Variants in AAK1 observed in about 807,000 individuals in gnomAD.
The protein encoded by AAK1 is AP2 associated kinase 1.
Under a neutral mutation model 116.0 loss-of-function variants are expected in AAK1, and 37 were observed. The observed-to-expected ratio is 0.32, with a 90% CI of 0.25 to 0.42. The LOEUF (loss-of-function observed/expected upper bound fraction) is 0.42. AAK1 is among the 10% of genes least tolerant of loss of function. AAK1 has a pLI of 1.00. For synonymous variants in AAK1, 458 were observed against 439.9 expected, an observed-to-expected ratio of 1.04 and a Z score of -0.51; for missense variants, 919 against 1,170.6, an observed-to-expected ratio of 0.79 and a Z score of 3.14.
At chr2:69,503,271 T>C (rs914201032) in intron 16 of AAK1, among the ~76,000 whole-genome samples, 1 of 152,168 alleles carries the variant, frequency 6.6e-6, no homozygotes, top group Non-Finnish European at 1.5e-5. Flanking sequence ...ACTACTAACA[T>C]TCCTAAAGAA....
intron 2 of AAK1, among the ~76,000 whole-genome samples, chr2:69,626,841 A>G (rs1295370658): frequency 1.3e-5 from 2 of 151,764 alleles, no homozygotes; most frequent in South Asian, 2.1e-4. Context: ...TATTTTCGTC[A>G]CTTCACATCC....
At position 69,480,773 on chromosome 2, in the gene AAK1, C is replaced by G. The variant is rs927141722; in HGVS notation, c.2569+87G>C. 8.6e-6 allele frequency: 10 copies of G among 1,162,120 alleles called. No homozygotes were observed. In the African/African-American group the frequency reaches 1.1e-4, roughly 13 times the overall value. The allele number at this position is 1,162,120 out of a possible 1,614,324, so 72.0% of individuals were successfully genotyped here. A position where few individuals can be genotyped will look rare whatever the true frequency, so the allele number is the denominator to read the frequency against. On this transcript the variant is annotated intron_variant, in intron 19 of 21. Coordinates refer to ENST00000409085, the MANE Select transcript of AAK1 (RefSeq NM_014911.5). ...GAACTACCTGGGCTTCAAAATAAGC[C>G]CAGGAACGACTGAGCCAGGTGAAAA...
chr2:69,627,428 C>T (rs1421289367), intron 2 of AAK1, among the ~76,000 whole-genome samples: 1 of 152,090 alleles, frequency 6.6e-6, no homozygotes, highest in Non-Finnish European at 1.5e-5. Flanking sequence ...GTTCCTTACA[C>T]TGGGCGGTAA....
At position 69,530,058 on chromosome 2, in the gene AAK1, A is replaced by C; in HGVS notation, c.821T>G (p.Phe274Cys). The C allele has an allele frequency of 1.9e-6, 3 of 1,608,952 alleles. No homozygotes were observed. The highest frequency in any genetic ancestry group is 2.5e-6 in the Non-Finnish European group (3 of 1,177,544). The stretch of plus-strand genomic sequence containing the variant: ...ATATCGAGAATTATCAGGAATTGTG[A>C]AGTTTCCATCACAAATTGCCACCTG... ...ESQVAICDGNFTIPDNSRYSQ... is the reference protein window; with the variant it reads ...ESQVAICDGNCTIPDNSRYSQ... Residue 274 changes from phenylalanine to cysteine, a missense_variant, in exon 8 of 22, where the codon TTC becomes TGC. Phe to Cys is a radical substitution (Grantham distance 205). This residue lies in a region of AAK1 where 317 missense variants were observed against 490.4 expected (regional missense o/e 0.65). Transcript: ENST00000409085.
In AAK1 at chr2:69,532,029, G is replaced by C. The variant is rs751504279; in HGVS notation, c.656+12C>G. ...TTGTGGACAAAACTCCATGAAAGGA[G>C]AAAAAGCTTACTTCTTAATCTCATC... On this transcript the variant is annotated intron_variant, in intron 6 of 21. Coordinates refer to ENST00000409085, the MANE Select transcript of AAK1 (RefSeq NM_014911.5). The C allele has an allele frequency of 6.2e-7, 1 of 1,612,526 alleles. No individual in the cohort carries two copies. The highest frequency in any genetic ancestry group is 8.5e-7 in the Non-Finnish European group (1 of 1,178,818).
At position 69,524,886 on chromosome 2, in the gene AAK1, T is replaced by A. The variant is rs776839537; in HGVS notation, c.1055+147A>T. 2.3e-4 allele frequency: 158 copies of A among 700,000 alleles called. 1 individual carries two copies. Among genetic ancestry groups the A allele is most frequent in the Non-Finnish European group, 3.4e-4 (138 of 410,956 alleles). 43.4% of individuals were successfully genotyped at this position (700,000 alleles called of 1,614,324 possible). On this transcript the variant is annotated intron_variant, in intron 10 of 21. Transcript: ENST00000409085. ...TCCTTTTTGCATTCCCAAAGAACCG[T>A]TTCTGCCTAGGCAAGACAGAGCTTG...
At chr2:69,609,279 C>T (rs1320464894) in intron 2 of AAK1, among the ~76,000 whole-genome samples, 1 of 152,128 alleles carries the variant, frequency 6.6e-6, no homozygotes, top group African/African-American at 2.4e-5. Flanking sequence ...GGGAGAATCA[C>T]CTAAACCCAG....
rs772286311 is a variant in AAK1 at position 69,525,022 on chromosome 2, G to C, written c.1055+11C>G. 1.1e-5 allele frequency: 17 copies of C among 1,612,784 alleles called. No individual in the cohort carries two copies. The highest frequency in any genetic ancestry group is 3.3e-4 in the Middle Eastern group (2 of 6,060). On this transcript the variant is annotated intron_variant, in intron 10 of 21. Transcript: ENST00000409085. Reference sequence around the variant, plus strand: ...CCAAGGAGGACATGTGTTCATGAAGGCATTTCTTACCTGGCCTTTGGCTGG... The same window carrying C: ...CCAAGGAGGACATGTGTTCATGAAGCCATTTCTTACCTGGCCTTTGGCTGG...
intron 12 of AAK1, among the ~76,000 whole-genome samples, chr2:69,518,213 T>C (rs7561263): frequency 0.15 from 23,436 of 152,044 alleles, 2,236 homozygotes; most frequent in East Asian, 0.26. Context: ...GAAAACAATA[T>C]AGACCAACTA....
intron 13 of AAK1, among the ~76,000 whole-genome samples, chr2:69,513,598 C>T (rs1312622879): frequency 6.6e-6 from 1 of 152,224 alleles, no homozygotes; most frequent in East Asian, 1.9e-4. Context: ...GCTGGGATTA[C>T]AGGCGTGAGG....
intron 17 of AAK1, among the ~76,000 whole-genome samples, chr2:69,495,444 G>A (rs746009864): frequency 6.6e-5 from 10 of 152,164 alleles, no homozygotes; most frequent in East Asian, 1.9e-4. Context: ...TTCAGGTAGC[G>A]GCAGAGCCTG....
intron 2 of AAK1, among the ~76,000 whole-genome samples, chr2:69,601,437 C>A (rs1324088777): frequency 6.6e-6 from 1 of 152,188 alleles, no homozygotes; most frequent in Non-Finnish European, 1.5e-5. Flanking sequence ...CAATTGACAG[C>A]ATCTTAGAGG....
At position 69,475,140 on chromosome 2, in the gene AAK1, G is replaced by A; in HGVS notation, c.*729C>T. On this transcript the variant is annotated 3_prime_UTR_variant, in exon 22 of 22. Transcript: ENST00000409085. ...TTGTATCCAAGGATCTCAAATACTT[G>A]CAGTCACGTCTCCAGATCTGAGAAA... 2.0e-6 allele frequency: 2 copies of A among 985,810 alleles called. No individual in the cohort carries two copies. Among genetic ancestry groups the A allele is most frequent in the Non-Finnish European group, 2.4e-6 (2 of 829,934 alleles). 61.1% of individuals were successfully genotyped at this position (985,810 alleles called of 1,614,324 possible). A position where few individuals can be genotyped will look rare whatever the true frequency, so the allele number is the denominator to read the frequency against.
intron 4 of AAK1, among the ~76,000 whole-genome samples, chr2:69,543,501 G>A (rs1205925503): frequency 2.0e-5 from 3 of 152,042 alleles, no homozygotes; most frequent in Admixed American, 1.3e-4. Context: ...TCCACCTCCT[G>A]GGTTCAAGTG....
At chr2:69,528,145 A>G (rs1162329274) in intron 8 of AAK1, among the ~76,000 whole-genome samples, 1 of 152,230 alleles carries the variant, frequency 6.6e-6, no homozygotes, top group East Asian at 1.9e-4. Flanking sequence ...GTCTGAGCAA[A>G]GAAGGACTTG....
chr2:69,621,288 C>T (rs865905325), intron 2 of AAK1, among the ~76,000 whole-genome samples: 15 of 152,198 alleles, frequency 9.9e-5, no homozygotes, highest in African/African-American at 3.6e-4. Flanking sequence ...CCAGCTTCGC[C>T]AACATGGTGA....
At chr2:69,598,105 T>C in intron 2 of AAK1, 4 of 1,084,878 alleles carry the variant, frequency 3.7e-6, no homozygotes, top group Non-Finnish European at 4.9e-6. Context: ...ATACATATAA[T>C]AACATGACCT....
In AAK1 at chr2:69,585,821, G is replaced by A. The variant is rs140413767; in HGVS notation, c.164-28843C>T. 3.9e-5 allele frequency among the ~76,000 whole-genome samples: 6 copies of A among 152,256 alleles called. No individual in the cohort carries two copies. The East Asian group carries it at 1.2e-3, about 29-fold the overall frequency. ...CAATGAAACTTGTTTACATAAACTT[G>A]AGAAAGTTACTTAACTTCTTTAAGC... On this transcript the variant is annotated intron_variant, in intron 2 of 21. Transcript: ENST00000409085.
At chr2:69,552,911 G>A (rs1671239004) in intron 3 of AAK1, among the ~76,000 whole-genome samples, 1 of 152,028 alleles carries the variant, frequency 6.6e-6, no homozygotes, top group East Asian at 1.9e-4. Context: ...AGATCTTAGA[G>A]ATTTAAAAGT....
Sources: allele counts gnomAD v4.1 joint callset (sites outside exome capture counted in the v4.1 genomes callset), GRCh38; gene constraint gnomAD v4.1.1; regional missense constraint gnomAD v4.1.1; transcripts MANE v1.5; gene names NCBI Gene and HGNC (gene_info 2026-07-23, HGNC 2026-07-21).